NRCAM: variants seen among roughly 807,000 people sequenced by gnomAD.
NRCAM encodes the protein neuronal cell adhesion molecule.
NRCAM carries 83 observed loss-of-function variants against 156.5 expected under a neutral mutation model. The ratio of observed to expected loss-of-function variants is 0.53; its 90% CI spans 0.44 to 0.64. The LOEUF (loss-of-function observed/expected upper bound fraction) is 0.64, where lower values mean the gene tolerates loss of function less well. Ranked by LOEUF, NRCAM falls within the 30% of genes least tolerant of loss-of-function variation. The pLI is 0.00. For missense variants in NRCAM, 1,417 were observed against 1,597.3 expected, an observed-to-expected ratio of 0.89 and a Z score of 1.92; for synonymous variants, 538 against 563.9, an observed-to-expected ratio of 0.95 and a Z score of 0.65.
intron 2 of NRCAM, among the ~76,000 whole-genome samples, chr7:108,325,315 TTCTA>T (rs1192059598): frequency 1.4e-4 from 22 of 152,286 alleles, no homozygotes; most frequent in African/African-American, 5.3e-4. Context: ...AGAACTTTCA[TTCTA>T]TCTATGAAGT....
intron 3 of NRCAM, among the ~76,000 whole-genome samples, chr7:108,244,960 AT>A (rs1191618674): frequency 6.6e-6 from 1 of 152,238 alleles, no homozygotes; most frequent in Non-Finnish European, 1.5e-5. Flanking sequence ...ATTTCTACCC[AT>A]TTAACAGACA....
At chr7:108,318,987 T>A (rs188083003) in intron 2 of NRCAM, among the ~76,000 whole-genome samples, 58 of 152,182 alleles carry the variant, frequency 3.8e-4, no homozygotes, top group Admixed American at 6.5e-4. Flanking sequence ...AATCTACAAC[T>A]ACATGAAGAG....
At chr7:108,172,160 C>A (rs1317757264) in intron 28 of NRCAM, among the ~76,000 whole-genome samples, 2 of 152,176 alleles carry the variant, frequency 1.3e-5, no homozygotes, top group African/African-American at 4.8e-5. Context: ...ATGGATATGG[C>A]ATTGTGGATC....
intron 2 of NRCAM, among the ~76,000 whole-genome samples, chr7:108,368,800 C>A (rs1406703749): frequency 6.6e-6 from 1 of 152,082 alleles, no homozygotes; most frequent in Non-Finnish European, 1.5e-5. Flanking sequence ...TCTCCGAAAG[C>A]ACATTAATGT....
chr7:108,247,814 C>G (rs551325047), intron 3 of NRCAM, among the ~76,000 whole-genome samples: 2 of 152,310 alleles, frequency 1.3e-5, no homozygotes, highest in South Asian at 4.1e-4. Flanking sequence ...ATTCTTCTCA[C>G]TCTCCCACAA....
chr7:108,366,826 C>G (rs534621941), intron 2 of NRCAM, among the ~76,000 whole-genome samples: 2 of 152,284 alleles, frequency 1.3e-5, no homozygotes, highest in Admixed American at 6.5e-5. Flanking sequence ...CTACACCATA[C>G]TATATTATAA....
intron 2 of NRCAM, among the ~76,000 whole-genome samples, chr7:108,326,276 C>T (rs1279225402): frequency 2.0e-5 from 3 of 151,988 alleles, no homozygotes; most frequent in Non-Finnish European, 4.4e-5. Flanking sequence ...TATATTGGTA[C>T]CAAAGACAAC....
At chr7:108,282,031 C>T (rs1178419009) in intron 3 of NRCAM, among the ~76,000 whole-genome samples, 1 of 152,132 alleles carries the variant, frequency 6.6e-6, no homozygotes, top group Non-Finnish European at 1.5e-5. Flanking sequence ...ATAACAGTTA[C>T]ATAAATATGG....
At chr7:108,455,079 C>T (rs1290371595) in intron 1 of NRCAM, among the ~76,000 whole-genome samples, 1 of 152,086 alleles carries the variant, frequency 6.6e-6, no homozygotes, top group Admixed American at 6.5e-5. Context: ...GGGAGGCGAT[C>T]CGGGGAAGGA....
chr7:108,275,772 C>T (rs1469478255), intron 3 of NRCAM, among the ~76,000 whole-genome samples: 1 of 152,162 alleles, frequency 6.6e-6, no homozygotes, highest in Non-Finnish European at 1.5e-5. Flanking sequence ...TTGTCTTCTG[C>T]TAGCTTTTGA....
At chr7:108,309,494 A>G (rs1300707298) in intron 3 of NRCAM, among the ~76,000 whole-genome samples, 1 of 152,186 alleles carries the variant, frequency 6.6e-6, no homozygotes, top group Non-Finnish European at 1.5e-5. Flanking sequence ...TTTGACTGGT[A>G]TCAACTAAAC....
chr7:108,365,924 A>G (rs2099589069), intron 2 of NRCAM, among the ~76,000 whole-genome samples: 3 of 152,130 alleles, frequency 2.0e-5, no homozygotes, highest in Admixed American at 1.3e-4. Context: ...CTCAAAATTC[A>G]TATGTTAAAA....
intron 3 of NRCAM, among the ~76,000 whole-genome samples, chr7:108,251,036 T>G (rs2096312896): frequency 6.6e-6 from 1 of 152,180 alleles, no homozygotes. Context: ...CAGAAAAACC[T>G]CTGGTTTTTA....
At chr7:108,326,478 T>A (rs2099069846) in intron 2 of NRCAM, among the ~76,000 whole-genome samples, 1 of 152,186 alleles carries the variant, frequency 6.6e-6, no homozygotes, top group African/African-American at 2.4e-5. Context: ...CACAGTATAG[T>A]ATCTCTAGCA....
rs549464721 is a variant in NRCAM, at chr7:108,270,259, T to A, written c.-106-30089A>T. ...TTTCTGGTACATCCTGGATTCTGAGTTGGAACTGGGCTTTAGGGTTTGCCA... is the reference window on the plus strand; with the variant it reads ...TTTCTGGTACATCCTGGATTCTGAGATGGAACTGGGCTTTAGGGTTTGCCA... On this transcript the variant is annotated intron_variant, in intron 3 of 32. Transcript: ENST00000379028. Among the ~76,000 whole-genome samples, 180 of 152,306 alleles carry A rather than the reference T, an allele frequency of 1.2e-3. 1 individual carries two copies. The highest frequency in any genetic ancestry group is 3.4e-3 in the Middle Eastern group (1 of 294).
intron 1 of NRCAM, among the ~76,000 whole-genome samples, chr7:108,447,259 CTTTTTTTTT>C (rs34273772): frequency 1.2e-5 from 1 of 84,256 alleles, no homozygotes; most frequent in Non-Finnish European, 2.2e-5. Context: ...TCACTTCTTT[CTTTTTTTTT>C]TTTTTTTTTT....
At chr7:108,392,741 G>A (rs1462906778) in intron 2 of NRCAM, among the ~76,000 whole-genome samples, 1 of 152,088 alleles carries the variant, frequency 6.6e-6, no homozygotes, top group African/African-American at 2.4e-5. Flanking sequence ...GTACAGATGG[G>A]GTTTTGGTGT....
At chr7:108,289,182 A>G (rs1215392651) in intron 3 of NRCAM, among the ~76,000 whole-genome samples, 1 of 152,182 alleles carries the variant, frequency 6.6e-6, no homozygotes, top group Non-Finnish European at 1.5e-5. Flanking sequence ...TACCAACAGT[A>G]TAAATAGAAA....
At position 108,207,589 on chromosome 7, in the gene NRCAM, G is replaced by C; in HGVS notation, c.1146C>G (p.Cys382Trp). ...TGGGTTTGGGGTTGCCATTAGCTCT[G>C]CAGATCAAGGTCCCATCCTCTCCTG... ...LSPGEDGTLI[C>W]RANGNPKPRI... Residue 382 changes from cysteine to tryptophan, a missense_variant, in exon 13 of 33, where the codon TGC becomes TGG. Transcript: ENST00000379028. 2.5e-6 allele frequency: 4 copies of C among 1,613,854 alleles called. No individual in the cohort carries two copies. Among genetic ancestry groups the C allele is most frequent in the Non-Finnish European group, 3.4e-6 (4 of 1,179,802 alleles).
Sources: gnomAD v4.1 joint callset for allele counts (sites outside exome capture counted in the v4.1 genomes callset) on GRCh38, gnomAD v4.1.1 for gene constraint, MANE v1.5 for transcripts, NCBI Gene and HGNC (gene_info 2026-07-23, HGNC 2026-07-21) for gene names.